Variants in MAF observed in about 807,000 individuals in gnomAD.
The protein encoded by MAF is transcription factor Maf.
In MAF, 10 loss-of-function variants were observed where a neutral mutation model predicts 22.0. That is an observed-to-expected ratio of 0.45 (90% CI 0.28 to 0.77). The LOEUF (loss-of-function observed/expected upper bound fraction) is 0.77, where lower values mean the gene tolerates loss of function less well. MAF is among the 30% of genes least tolerant of loss of function. The pLI is 0.12. For synonymous variants in MAF, 337 were observed against 255.8 expected, an observed-to-expected ratio of 1.32 and a Z score of -3.03; for missense variants, 544 against 548.4, an observed-to-expected ratio of 0.99 and a Z score of 0.08.
chr16:79,396,979 C>G, the MAF span, among the ~76,000 whole-genome samples: 1 of 152,216 alleles, frequency 6.6e-6, no homozygotes, highest in Non-Finnish European at 1.5e-5. Flanking sequence ...AAATATCTAC[C>G]ATGCTGTGGC....
chr16:79,371,216 T>G, the MAF span, among the ~76,000 whole-genome samples: 1 of 152,008 alleles, frequency 6.6e-6, no homozygotes, highest in Non-Finnish European at 1.5e-5. Context: ...AACATAGTGG[T>G]CTCAGGGTAG....
chr16:79,330,707 C>T, the MAF span, among the ~76,000 whole-genome samples: 2 of 152,208 alleles, frequency 1.3e-5, no homozygotes, highest in African/African-American at 4.8e-5. Flanking sequence ...GTGCCACGCA[C>T]AGTGCTTACA....
chr16:79,212,211 A>C, the MAF span: 13 of 1,439,920 alleles, frequency 9.0e-6, no homozygotes, highest in Non-Finnish European at 1.2e-5. Context: ...TTAGGGAAGA[A>C]AAAGCAAGTG....
chr16:79,271,799 T>C, the MAF span, among the ~76,000 whole-genome samples: 5 of 152,194 alleles, frequency 3.3e-5, no homozygotes, highest in Non-Finnish European at 7.3e-5. Flanking sequence ...CTTTCAAATA[T>C]GGTATAAAAG....
chr16:79,287,764 T>C, the MAF span, among the ~76,000 whole-genome samples: 1 of 152,238 alleles, frequency 6.6e-6, no homozygotes, highest in African/African-American at 2.4e-5. Context: ...CACTCATTCA[T>C]TTATTCACCC....
the MAF span, among the ~76,000 whole-genome samples, chr16:79,366,842 G>A: frequency 1.3e-5 from 2 of 152,290 alleles, no homozygotes; most frequent in East Asian, 3.9e-4. Context: ...TGTTGTTGCA[G>A]CATAGCCTGG....
the MAF span, among the ~76,000 whole-genome samples, chr16:79,210,896 G>C: frequency 4.6e-5 from 7 of 152,138 alleles, no homozygotes; most frequent in African/African-American, 1.7e-4. Context: ...TTTGAAGTGG[G>C]CTGGGAGGAA....
At chr16:79,484,597 A>G in the MAF span, among the ~76,000 whole-genome samples, 1 of 152,178 alleles carries the variant, frequency 6.6e-6, no homozygotes, top group Non-Finnish European at 1.5e-5. Context: ...CCTCCCTTGG[A>G]AAAGGCCCAG....
chr16:79,382,793 T>C, the MAF span, among the ~76,000 whole-genome samples: 2 of 152,314 alleles, frequency 1.3e-5, no homozygotes, highest in South Asian at 4.1e-4. Context: ...GGTGCATTTA[T>C]GTTGAGGTTT....
At chr16:79,524,002 C>G in the MAF span, among the ~76,000 whole-genome samples, 1 of 152,174 alleles carries the variant, frequency 6.6e-6, no homozygotes, top group Non-Finnish European at 1.5e-5. Flanking sequence ...CCCAAGCCAT[C>G]CAGTATAAAT....
chr16:79,416,656 C>T, the MAF span, among the ~76,000 whole-genome samples: 1 of 152,144 alleles, frequency 6.6e-6, no homozygotes, highest in Non-Finnish European at 1.5e-5. Context: ...AGATATTGTT[C>T]CTGGGAGCGC....
the MAF span, among the ~76,000 whole-genome samples, chr16:79,468,253 C>A: frequency 6.6e-6 from 1 of 152,196 alleles, no homozygotes; most frequent in African/African-American, 2.4e-5. Flanking sequence ...GAGTCCCCAG[C>A]AGCCCAGGCG....
At chr16:79,329,202 G>A in the MAF span, among the ~76,000 whole-genome samples, 2 of 151,998 alleles carry the variant, frequency 1.3e-5, no homozygotes, top group African/African-American at 4.8e-5. Context: ...CCCCCTCTCT[G>A]CTAGAAAAGT....
chr16:79,328,306 G>T, the MAF span, among the ~76,000 whole-genome samples: 24,534 of 151,786 alleles, frequency 0.16, 2,087 homozygotes, highest in Middle Eastern at 0.19. Context: ...AAGAAATCAG[G>T]TTCTGCATTT....
chr16:79,278,582 G>A, the MAF span, among the ~76,000 whole-genome samples: 18 of 152,292 alleles, frequency 1.2e-4, no homozygotes, highest in African/African-American at 4.3e-4. Flanking sequence ...GAAGATGCCT[G>A]CTTGAAGTAT....
chr16:79,511,624 CT>C, the MAF span, among the ~76,000 whole-genome samples: 2 of 152,230 alleles, frequency 1.3e-5, no homozygotes, highest in Non-Finnish European at 2.9e-5. Context: ...CAGCCTGATC[CT>C]GGCACTTAAG....
At chr16:79,239,122 G>C in the MAF span, among the ~76,000 whole-genome samples, 5 of 152,070 alleles carry the variant, frequency 3.3e-5, no homozygotes, top group Non-Finnish European at 5.9e-5. Context: ...CTAAAGGAAA[G>C]TGAAAAGTCA....
the MAF span, among the ~76,000 whole-genome samples, chr16:79,302,392 G>C: frequency 6.6e-6 from 1 of 152,166 alleles, no homozygotes; most frequent in Non-Finnish European, 1.5e-5. Flanking sequence ...CAAGAAAAGT[G>C]GTCAGTGTGA....
At chr16:79,308,361 G>A in the MAF span, among the ~76,000 whole-genome samples, 69 of 152,298 alleles carry the variant, frequency 4.5e-4, no homozygotes, top group African/African-American at 1.6e-3. Flanking sequence ...AGAGGCCATT[G>A]GATGGTAGGA....
Sources: allele counts gnomAD v4.1 joint callset (sites outside exome capture counted in the v4.1 genomes callset), GRCh38; gene constraint gnomAD v4.1.1; transcripts MANE v1.5; gene names NCBI Gene and HGNC (gene_info 2026-07-23, HGNC 2026-07-21).